PDCL3: variants seen among roughly 807,000 people sequenced by gnomAD.
PDCL3 encodes the protein phosducin like 3.
A neutral mutation model predicts 26.5 loss-of-function variants in PDCL3; 22 were observed. The observed-to-expected ratio is 0.83, with a 90% CI of 0.59 to 1.19. The LOEUF (loss-of-function observed/expected upper bound fraction) is 1.19. PDCL3 is among the 50% of genes most tolerant of loss of function. The probability of loss-of-function intolerance (pLI) is 0.00; values close to 1 mark genes in which losing one functional copy is unlikely to be tolerated. For missense variants in PDCL3, 246 were observed against 294.1 expected, an observed-to-expected ratio of 0.84 and a Z score of 1.20; for synonymous variants, 81 against 104.9, an observed-to-expected ratio of 0.77 and a Z score of 1.39.
chr2:100,569,843 A>T, intron 4 of PDCL3, 122 bp downstream of exon 4: 1 of 1,090,232 alleles, frequency 9.2e-7, no homozygotes, highest in Non-Finnish European at 1.3e-6. Context: ...GCAGTAGCTC[A>T]CACCTGTAAT....
At chr2:100,575,261 G>C (rs997012842) in intron 5 of PDCL3, among the ~76,000 whole-genome samples, 4 of 151,962 alleles carry the variant, frequency 2.6e-5, no homozygotes, top group East Asian at 1.9e-4. Context: ...TCAGCCTCCC[G>C]AGTAGCTGGG....
At chr2:100,567,638 G>C (rs1675082559) in intron 2 of PDCL3, among the ~76,000 whole-genome samples, 1 of 152,084 alleles carries the variant, frequency 6.6e-6, no homozygotes, top group Non-Finnish European at 1.5e-5. Context: ...TTCCTGAAGG[G>C]GGTGACGTGA....
intron 1 of PDCL3, chr2:100,563,371 C>T: frequency 2.5e-6 from 1 of 392,756 alleles, no homozygotes; most frequent in Non-Finnish European, 4.5e-6. Flanking sequence ...CGGATCCCGC[C>T]TAACAAAAGT....
intron 5 of PDCL3, among the ~76,000 whole-genome samples, chr2:100,573,482 T>C (rs989995956): frequency 2.6e-5 from 4 of 151,874 alleles, no homozygotes; most frequent in African/African-American, 7.3e-5. Flanking sequence ...GAAACCAGCC[T>C]GGCCAACATA....
chr2:100,573,158 C>T (rs1483568004), intron 5 of PDCL3, among the ~76,000 whole-genome samples: 2 of 151,870 alleles, frequency 1.3e-5, no homozygotes, highest in African/African-American at 2.4e-5. Flanking sequence ...GCTGAGATTA[C>T]AGATGTGAGC....
intron 4 of PDCL3, among the ~76,000 whole-genome samples, chr2:100,570,860 A>G (rs1216863923): frequency 1.3e-5 from 2 of 152,202 alleles, no homozygotes; most frequent in Non-Finnish European, 2.9e-5. Flanking sequence ...CTTATAAGAA[A>G]TGTATAGCAA....
At chr2:100,573,020 G>T (rs1390702231) in intron 5 of PDCL3, among the ~76,000 whole-genome samples, 1 of 151,596 alleles carries the variant, frequency 6.6e-6, no homozygotes, top group African/African-American at 2.4e-5. Flanking sequence ...AGGTAGCTGG[G>T]ATTACAGGCG....
rs748257999 is a variant in PDCL3 at position 100,576,375 on chromosome 2, A to C, written c.599A>C (p.Glu200Ala). 2 of 1,613,824 alleles carry C rather than the reference A, an allele frequency of 1.2e-6. No homozygotes were observed. Among genetic ancestry groups the C allele is most frequent in the South Asian group, 2.2e-5 (2 of 91,070 alleles). Residue 200 changes from glutamate (E) to alanine (A), a missense_variant, in exon 6 of 6, where the codon GAA becomes GCA. Glu to Ala is a moderately radical substitution (Grantham distance 107). Coordinates refer to ENST00000264254, the MANE Select transcript of PDCL3 (RefSeq NM_024065.5). ...TRDELEWKLS[E>A]SGAIMTDLEE... is the part of the protein sequence containing the mutation. ...ATAGAGTTGGAATGGAAACTGTCTG[A>C]ATCTGGAGCAATTATGACAGACCTG...
intron 5 of PDCL3, among the ~76,000 whole-genome samples, chr2:100,572,938 G>T (rs1254857091): frequency 6.6e-6 from 1 of 152,126 alleles, no homozygotes; most frequent in Non-Finnish European, 1.5e-5. Context: ...AGGCTGGAGT[G>T]CAGTGGTGCG....
At chr2:100,566,684 G>T in intron 2 of PDCL3, 55 bp downstream of exon 2, 1 of 1,598,020 alleles carries the variant, frequency 6.3e-7, no homozygotes, top group South Asian at 1.1e-5. Context: ...GGCTCCCTAA[G>T]CCTCTGACTG....
At chr2:100,569,783 A>C in intron 4 of PDCL3, 62 bp downstream of exon 4, 114 of 1,553,494 alleles carry the variant, frequency 7.3e-5, no homozygotes, top group Non-Finnish European at 8.7e-5. Flanking sequence ...TCAGGATCTC[A>C]GGCGTTACCT....
chr2:100,572,656 T>C (rs760531346), intron 5 of PDCL3, among the ~76,000 whole-genome samples: 1 of 152,038 alleles, frequency 6.6e-6, no homozygotes, highest in Admixed American at 6.6e-5. Flanking sequence ...TAGCTGGGAT[T>C]ACAGGCATGT....
chr2:100,569,227 A>G (rs1200872647), intron 3 of PDCL3, among the ~76,000 whole-genome samples: 2 of 152,090 alleles, frequency 1.3e-5, no homozygotes, highest in African/African-American at 2.4e-5. Flanking sequence ...TAAATAATAC[A>G]AAAACTAGCT....
intron 2 of PDCL3, among the ~76,000 whole-genome samples, chr2:100,568,276 C>A (rs945677540): frequency 7.6e-6 from 1 of 132,134 alleles, no homozygotes; most frequent in Admixed American, 7.4e-5. Flanking sequence ...TAGATGCAAT[C>A]ACCGAGGGAG....
At chr2:100,573,298 C>T (rs1442958852) in intron 5 of PDCL3, among the ~76,000 whole-genome samples, 2 of 152,164 alleles carry the variant, frequency 1.3e-5, no homozygotes, top group Non-Finnish European at 1.5e-5. Flanking sequence ...AACTCTTTAT[C>T]TCTTTATTGA....
Position 100,569,672 on chromosome 2 carries a change from A to G in PDCL3, c.319A>G (p.Thr107Ala), listed in dbSNP as rs1211176778. The G allele has an allele frequency of 6.2e-7, 1 of 1,614,024 alleles. No homozygotes were observed. Among genetic ancestry groups the G allele is most frequent in the East Asian group, 2.2e-5 (1 of 44,868 alleles). Residue 107 changes from threonine (T) to alanine (A), a missense_variant, in exon 4 of 6, where the codon ACC becomes GCC. Thr to Ala is a moderately conservative substitution (Grantham distance 58). Coordinates refer to ENST00000264254, the MANE Select transcript of PDCL3 (RefSeq NM_024065.5). Reference sequence around the variant, plus strand: ...AGGGAAGGATTATGTTCAAGAAGTTACCAAAGCTGGCGAGGGCTTGTGGGT... The same window carrying G: ...AGGGAAGGATTATGTTCAAGAAGTTGCCAAAGCTGGCGAGGGCTTGTGGGT... ...ISGKDYVQEV[T>A]KAGEGLWVIL... is the part of the protein sequence containing the mutation.
intron 5 of PDCL3, 117 bp downstream of exon 5, chr2:100,571,915 T>A: frequency 1.1e-6 from 1 of 943,030 alleles, no homozygotes; most frequent in Non-Finnish European, 1.7e-6. Flanking sequence ...CTTCTGCCTG[T>A]GTATGAGGAC....
At chr2:100,568,318 G>A (rs1258577211) in intron 2 of PDCL3, among the ~76,000 whole-genome samples, 1 of 45,128 alleles carries the variant, frequency 2.2e-5, no homozygotes, top group Non-Finnish European at 4.0e-5. Flanking sequence ...AGTAGTCAAA[G>A]GTTTGAGCCT....
chr2:100,567,904 C>T (rs982207016), intron 2 of PDCL3, among the ~76,000 whole-genome samples: 4 of 151,766 alleles, frequency 2.6e-5, no homozygotes, highest in African/African-American at 9.7e-5. Flanking sequence ...CTCACTGCAA[C>T]CTCCGCCTCC....
Sources: allele counts gnomAD v4.1 joint callset (sites outside exome capture counted in the v4.1 genomes callset), GRCh38; gene constraint gnomAD v4.1.1; transcripts MANE v1.5; gene names NCBI Gene and HGNC (gene_info 2026-07-23, HGNC 2026-07-21).